Variants in RGS6 observed in about 807,000 individuals in gnomAD.
RGS6 encodes the protein regulator of G protein signaling 6.
A neutral mutation model predicts 78.5 loss-of-function variants in RGS6; 30 were observed. The ratio of observed to expected loss-of-function variants is 0.38; its 90% CI spans 0.29 to 0.52. RGS6 has a LOEUF of 0.52. RGS6 is among the 20% of genes least tolerant of loss of function. The pLI, the probability that RGS6 is intolerant of heterozygous loss-of-function variation, is 0.85. For missense variants in RGS6, 495 were observed against 609.7 expected (o/e 0.81, Z 1.98); for synonymous variants, 206 against 206.0 (o/e 1.00, Z 0.00).
intron 2 of RGS6, among the ~76,000 whole-genome samples, chr14:72,175,204 C>A (rs2097089500): frequency 6.6e-6 from 1 of 152,138 alleles, no homozygotes; most frequent in Admixed American, 6.5e-5. Context: ...TCTCAGAACC[C>A]TGGATAATTC....
chr14:72,507,021 T>TAAAAAAAA (rs2096814415), intron 13 of RGS6, among the ~76,000 whole-genome samples: 2 of 59,130 alleles, frequency 3.4e-5, no homozygotes, highest in East Asian at 1.4e-3. Flanking sequence ...AAAAAAAAAT[T>TAAAAAAAA]AGCTGGCCAT....
At chr14:72,377,113 G>A (rs1434184737) in intron 3 of RGS6, among the ~76,000 whole-genome samples, 1 of 152,040 alleles carries the variant, frequency 6.6e-6, no homozygotes, top group African/African-American at 2.4e-5. Flanking sequence ...TAGACTGACT[G>A]AACAGATTAA....
intron 2 of RGS6, among the ~76,000 whole-genome samples, chr14:71,967,679 C>G (rs910156619): frequency 6.6e-6 from 1 of 152,122 alleles, no homozygotes; most frequent in South Asian, 2.1e-4. Context: ...TGTTGTCAGA[C>G]ACTTTCAGTG....
chr14:71,990,478 T>C (rs2094907895), intron 2 of RGS6: 1 of 387,400 alleles, frequency 2.6e-6, no homozygotes. Context: ...GAATATGTTA[T>C]TAACCAGGAC....
At chr14:72,408,411 T>A (rs1320946728) in intron 3 of RGS6, among the ~76,000 whole-genome samples, 1 of 152,214 alleles carries the variant, frequency 6.6e-6, no homozygotes, top group Non-Finnish European at 1.5e-5. Context: ...AGTGCTGTCA[T>A]GAGATTTCAG....
chr14:72,433,506 A>C (rs2094752086), intron 3 of RGS6, among the ~76,000 whole-genome samples: 1 of 152,106 alleles, frequency 6.6e-6, no homozygotes, highest in African/African-American at 2.4e-5. Context: ...TGAAAATAAA[A>C]ATTAAAAAAA....
At chr14:72,577,976 G>A in the RGS6 span, among the ~76,000 whole-genome samples, 1 of 152,178 alleles carries the variant, frequency 6.6e-6, no homozygotes, top group South Asian at 2.1e-4. Flanking sequence ...TGAGTGGCTG[G>A]GGAATTGGTC....
intron 2 of RGS6, among the ~76,000 whole-genome samples, chr14:72,008,889 G>T (rs1385634847): frequency 6.6e-6 from 1 of 152,226 alleles, no homozygotes; most frequent in Non-Finnish European, 1.5e-5. Flanking sequence ...GGCTTGGCTG[G>T]CATCCAGGAA....
At chr14:72,408,407 G>C (rs2093127404) in intron 3 of RGS6, among the ~76,000 whole-genome samples, 1 of 152,132 alleles carries the variant, frequency 6.6e-6, no homozygotes, top group South Asian at 2.1e-4. Context: ...ACTGAGTGCT[G>C]TCATGAGATT....
intron 8 of RGS6, among the ~76,000 whole-genome samples, chr14:72,470,361 A>G (rs1204831088): frequency 6.6e-6 from 1 of 152,242 alleles, no homozygotes; most frequent in Non-Finnish European, 1.5e-5. Context: ...TATTTCCCCA[A>G]GAGATTTCCA....
chr14:72,231,754 A>G (rs1188261025), intron 2 of RGS6, among the ~76,000 whole-genome samples: 2 of 152,162 alleles, frequency 1.3e-5, no homozygotes, highest in African/African-American at 4.8e-5. Context: ...ATGAATATAT[A>G]GGGAAGAGCG....
chr14:72,168,404 C>G (rs1259177884), intron 2 of RGS6, among the ~76,000 whole-genome samples: 1 of 152,254 alleles, frequency 6.6e-6, no homozygotes, highest in East Asian at 1.9e-4. Flanking sequence ...GGTCCTGTGA[C>G]CCAGAGCATG....
chr14:72,078,968 TTTG>T (rs769609648), intron 2 of RGS6, among the ~76,000 whole-genome samples: 1 of 152,242 alleles, frequency 6.6e-6, no homozygotes, highest in Non-Finnish European at 1.5e-5. Context: ...ACCCTATTAA[TTTG>T]TTAACTCAGT....
chr14:72,109,651 AAGT>A (rs1254604960), intron 2 of RGS6, among the ~76,000 whole-genome samples: 10 of 152,336 alleles, frequency 6.6e-5, no homozygotes, highest in Admixed American at 1.3e-4. Context: ...TCTGGAGTAG[AAGT>A]AGGTTAATCC....
At chr14:72,071,310 A>G (rs1219942507) in intron 2 of RGS6, among the ~76,000 whole-genome samples, 1 of 152,102 alleles carries the variant, frequency 6.6e-6, no homozygotes, top group Non-Finnish European at 1.5e-5. Context: ...GGACTTTTGG[A>G]TTCTTTCCAA....
chr14:72,380,118 T>C (rs914542337), intron 3 of RGS6, among the ~76,000 whole-genome samples: 1 of 152,004 alleles, frequency 6.6e-6, no homozygotes, highest in Non-Finnish European at 1.5e-5. Flanking sequence ...GATATCCATA[T>C]ACAGAAGAAT....
chr14:72,500,704 A>G (rs1566992373), intron 13 of RGS6, among the ~76,000 whole-genome samples: 1 of 152,250 alleles, frequency 6.6e-6, no homozygotes, highest in Non-Finnish European at 1.5e-5. Flanking sequence ...GACTGAAACA[A>G]CAAAGGGAGA....
At chr14:71,954,512 A>G (rs1208232316) in intron 1 of RGS6, among the ~76,000 whole-genome samples, 1 of 152,162 alleles carries the variant, frequency 6.6e-6, no homozygotes, top group Non-Finnish European at 1.5e-5. Flanking sequence ...CAGGTATGCA[A>G]TGCATAATAA....
intron 2 of RGS6, among the ~76,000 whole-genome samples, chr14:72,108,773 A>G (rs1418747681): frequency 6.6e-6 from 1 of 151,688 alleles, no homozygotes; most frequent in East Asian, 1.9e-4. Flanking sequence ...TCTAGTTCCA[A>G]TTTATATTGT....
Sources: allele counts gnomAD v4.1 joint callset (sites outside exome capture counted in the v4.1 genomes callset), GRCh38; gene constraint gnomAD v4.1.1; transcripts MANE v1.5; gene names NCBI Gene and HGNC (gene_info 2026-07-23, HGNC 2026-07-21).